CLDN16: variants seen among roughly 807,000 people sequenced by gnomAD.
CLDN16 encodes claudin 16.
Under a neutral mutation model 24.6 loss-of-function variants are expected in CLDN16, and 13 were observed. The observed-to-expected ratio is 0.53, with a 90% CI of 0.34 to 0.84. The LOEUF (loss-of-function observed/expected upper bound fraction) is 0.84, where lower values mean the gene tolerates loss of function less well. CLDN16 is among the 40% of genes least tolerant of loss of function. The probability of loss-of-function intolerance (pLI) is 0.01; values close to 1 mark genes in which losing one functional copy is unlikely to be tolerated. For missense variants in CLDN16, 298 were observed against 292.7 expected, an observed-to-expected ratio of 1.02 and a Z score of -0.13; for synonymous variants, 116 against 106.7, an observed-to-expected ratio of 1.09 and a Z score of -0.54.
chr3:190,409,862 G>C, intron 4 of CLDN16, 41 bp from the exon 5 acceptor site: 1 of 1,597,460 alleles, frequency 6.3e-7, no homozygotes. Flanking sequence ...ATTTTCCCAA[G>C]TTCACTGAGT....
At position 190,392,288 on chromosome 3, in the gene CLDN16, C is replaced by T. The variant is rs183029196; in HGVS notation, c.114+3845C>T. ...CCTTCCTTCCTCTTCTTTATTCCCCCTCTCTCTTTTCCTCCCTTTTCTTAA... is the reference window on the plus strand; with the variant it reads ...CCTTCCTTCCTCTTCTTTATTCCCCTTCTCTCTTTTCCTCCCTTTTCTTAA... On this transcript the variant is annotated intron_variant, in intron 1 of 4. Transcript: ENST00000264734. Among the ~76,000 whole-genome samples, 15 of 151,858 alleles carry T rather than the reference C, an allele frequency of 9.9e-5. No individual in the cohort carries two copies. In the East Asian group the frequency reaches 2.7e-3, roughly 27 times the overall value.
At chr3:190,409,451 A>T (rs1232817206) in intron 4 of CLDN16, among the ~76,000 whole-genome samples, 3 of 151,874 alleles carry the variant, frequency 2.0e-5, no homozygotes, top group Non-Finnish European at 4.4e-5. Context: ...ACATTTGAAT[A>T]TTGGACATGG....
intron 1 of CLDN16, among the ~76,000 whole-genome samples, chr3:190,400,771 A>G (rs1261367842): frequency 6.6e-6 from 1 of 152,132 alleles, no homozygotes; most frequent in African/African-American, 2.4e-5. Flanking sequence ...GAATAGTGTC[A>G]CAAAGAGCAT....
At chr3:190,376,489 A>C (rs1487855386) in intron 3 of CLDN16, among the ~76,000 whole-genome samples, 1 of 151,876 alleles carries the variant, frequency 6.6e-6, no homozygotes, top group Non-Finnish European at 1.5e-5. Context: ...TATGAGAGAA[A>C]AATCAACAAA....
upstream of CLDN16, chr3:190,322,441 T>A: frequency 1.8e-6 from 1 of 569,298 alleles, no homozygotes; most frequent in East Asian, 3.0e-5. Flanking sequence ...GCTCGGGAAC[T>A]GAGACGCAGA....
chr3:190,337,919 G>A (rs1717347139), intron 1 of CLDN16, among the ~76,000 whole-genome samples: 1 of 152,172 alleles, frequency 6.6e-6, no homozygotes, highest in African/African-American at 2.4e-5. Context: ...GAATCAATTA[G>A]TGGCAGCTGA....
chr3:190,333,915 C>G (rs892799696), intron 1 of CLDN16, among the ~76,000 whole-genome samples: 3 of 152,080 alleles, frequency 2.0e-5, no homozygotes, highest in African/African-American at 7.2e-5. Flanking sequence ...GTCACAGAAC[C>G]ATGTAAATTT....
At chr3:190,397,778 T>C (rs996380839) in intron 1 of CLDN16, among the ~76,000 whole-genome samples, 8 of 152,150 alleles carry the variant, frequency 5.3e-5, no homozygotes, top group African/African-American at 1.9e-4. Flanking sequence ...CCTAATGAAA[T>C]TGGATTCCTT....
At chr3:190,381,899 T>G (rs1180401574) in intron 3 of CLDN16, among the ~76,000 whole-genome samples, 1 of 151,990 alleles carries the variant, frequency 6.6e-6, no homozygotes, top group Non-Finnish European at 1.5e-5. Flanking sequence ...GTCTTTTTGA[T>G]TTACAAAGAA....
At chr3:190,331,859 G>A (rs1717187466) in intron 1 of CLDN16, among the ~76,000 whole-genome samples, 2 of 152,194 alleles carry the variant, frequency 1.3e-5, no homozygotes, top group Admixed American at 6.5e-5. Context: ...ACAAGCCTAT[G>A]TACTTCTCTG....
At chr3:190,397,109 A>G (rs1036317392) in intron 1 of CLDN16, among the ~76,000 whole-genome samples, 5 of 152,126 alleles carry the variant, frequency 3.3e-5, no homozygotes, top group Non-Finnish European at 7.3e-5. Flanking sequence ...TGAAATCTGA[A>G]CTGTTCTGTA....
chr3:190,359,125 T>TGG (rs1392500453), intron 1 of CLDN16, among the ~76,000 whole-genome samples: 1 of 152,032 alleles, frequency 6.6e-6, no homozygotes, highest in Non-Finnish European at 1.5e-5. Flanking sequence ...GTATATAAAT[T>TGG]AATGATTGGA....
intron 3 of CLDN16, among the ~76,000 whole-genome samples, chr3:190,380,458 T>C (rs1718346278): frequency 6.6e-6 from 1 of 152,016 alleles, no homozygotes. Context: ...GTTAGGATTA[T>C]GATAAATGGT....
intron 2 of CLDN16, among the ~76,000 whole-genome samples, chr3:190,372,163 A>T (rs2108647936): frequency 6.6e-6 from 1 of 151,990 alleles, no homozygotes; most frequent in Non-Finnish European, 1.5e-5. Context: ...TTGTATTTGG[A>T]CAGCATTTGG....
At chr3:190,341,479 GGGATGCAGGGTACCAAGTCCCTA>G (rs1307705661) in intron 1 of CLDN16, among the ~76,000 whole-genome samples, 2 of 152,156 alleles carry the variant, frequency 1.3e-5, no homozygotes, top group Non-Finnish European at 2.9e-5. Context: ...TGGAGCAGCT[GGGATGCAGGGTACCAAGTCCCTA>G]GGCTGCACAC....
chr3:190,390,656 G>C lies in CLDN16; in HGVS notation c.114+2213G>C, dbSNP rs191204010. ...TCTTATAATAATTGCTACTTCAACA[G>C]GCCAGGATAGAAACTTATATTTTCC... On this transcript the variant is annotated intron_variant, in intron 1 of 4. Coordinates refer to ENST00000264734, the MANE Select transcript of CLDN16 (RefSeq NM_006580.4). 3.4e-3 allele frequency among the ~76,000 whole-genome samples: 520 copies of C among 152,238 alleles called. 4 individuals carry two copies. Among genetic ancestry groups the C allele is most frequent in the African/African-American group, 0.012 (497 of 41,536 alleles).
chr3:190,380,582 C>T (rs940108593), intron 3 of CLDN16, among the ~76,000 whole-genome samples: 1 of 151,984 alleles, frequency 6.6e-6, no homozygotes, highest in Non-Finnish European at 1.5e-5. Context: ...TCTAATTAAA[C>T]TAAAGGGCTT....
the CLDN16 span, among the ~76,000 whole-genome samples, chr3:190,304,193 A>C: frequency 6.6e-6 from 1 of 152,330 alleles, no homozygotes; most frequent in South Asian, 2.1e-4. Context: ...GTTATGGCTA[A>C]GAGCCACTGC....
chr3:190,377,063 G>C (rs1374188740), intron 3 of CLDN16, among the ~76,000 whole-genome samples: 1 of 151,898 alleles, frequency 6.6e-6, no homozygotes, highest in East Asian at 1.9e-4. Context: ...CAGGCAACGG[G>C]AAGAGCCTTT....
Sources: gnomAD v4.1 joint callset for allele counts (sites outside exome capture counted in the v4.1 genomes callset) on GRCh38, gnomAD v4.1.1 for gene constraint, MANE v1.5 for transcripts, NCBI Gene and HGNC (gene_info 2026-07-23, HGNC 2026-07-21) for gene names.